The following RFX3 variants were observed in gnomAD, a reference collection of about 807,000 sequenced individuals.
RFX3 encodes transcription factor RFX3.
A neutral mutation model predicts 98.6 loss-of-function variants in RFX3; 14 were observed. That is an observed-to-expected ratio of 0.14 (90% confidence interval 0.09 to 0.22). The LOEUF is 0.22. Ranked by LOEUF, RFX3 falls within the 10% of genes least tolerant of loss-of-function variation. RFX3 has a pLI of 1.00. For synonymous variants in RFX3, 383 were observed against 328.4 expected (o/e 1.17, Z -1.80); for missense variants, 639 against 926.9 (o/e 0.69, Z 4.03).
chr9:3,259,724 T>G (rs1330861890), intron 13 of RFX3, among the ~76,000 whole-genome samples: 1 of 151,922 alleles, frequency 6.6e-6, no homozygotes, highest in Non-Finnish European at 1.5e-5. Context: ...AGGAAACCAG[T>G]TATACTGCAA....
intron 1 of RFX3, among the ~76,000 whole-genome samples, chr9:3,427,015 C>A (rs1844104587): frequency 6.6e-6 from 1 of 151,788 alleles, no homozygotes; most frequent in Admixed American, 6.6e-5. Flanking sequence ...GCCAAGATTT[C>A]TAACCCGTTT....
chr9:3,328,493 G>A (rs1202098516), intron 4 of RFX3, among the ~76,000 whole-genome samples: 1 of 152,026 alleles, frequency 6.6e-6, no homozygotes. Context: ...ATATACTGAT[G>A]TGACTAAAAG....
intron 1 of RFX3, among the ~76,000 whole-genome samples, chr9:3,501,490 A>T (rs1001192768): frequency 4.6e-5 from 7 of 152,058 alleles, no homozygotes; most frequent in African/African-American, 1.7e-4. Context: ...AATTATTTCA[A>T]CAATTTGTTT....
At chr9:3,412,193 TA>T (rs1413819888) in intron 1 of RFX3, among the ~76,000 whole-genome samples, 1 of 152,266 alleles carries the variant, frequency 6.6e-6, no homozygotes, top group East Asian at 1.9e-4. Context: ...ATAAGACCAC[TA>T]AAGGTCAACA....
At chr9:3,514,413 T>C (rs574498050) in intron 1 of RFX3, among the ~76,000 whole-genome samples, 3 of 152,182 alleles carry the variant, frequency 2.0e-5, no homozygotes, top group Non-Finnish European at 4.4e-5. Context: ...TACACTCTAA[T>C]TGAAAAGTAA....
intron 2 of RFX3, among the ~76,000 whole-genome samples, chr9:3,391,489 C>T (rs1043169251): frequency 2.6e-5 from 4 of 151,994 alleles, no homozygotes; most frequent in African/African-American, 7.3e-5. Flanking sequence ...CTTCTTTGCT[C>T]GGTGTAAAGG....
intron 1 of RFX3, among the ~76,000 whole-genome samples, chr9:3,491,292 A>G (rs949269005): frequency 1.3e-5 from 2 of 152,160 alleles, no homozygotes; most frequent in Non-Finnish European, 2.9e-5. Flanking sequence ...CAAACCAGAT[A>G]CATCAAAAAT....
At chr9:3,372,647 G>A (rs12005948) in intron 2 of RFX3, among the ~76,000 whole-genome samples, 4,524 of 150,556 alleles carry the variant, frequency 0.03, 250 homozygotes, top group African/African-American at 0.11. Flanking sequence ...CCCCAGGTTT[G>A]AGAGATTCTC....
chr9:3,525,942 G>C lies in RFX3; in HGVS notation c.-204C>G, dbSNP rs1269844228. On this transcript the variant is annotated 5_prime_UTR_variant, in exon 1 of 17. Transcript: ENST00000617270. ...AACTCACAAAAGAGAGAGAGAGAGGGAGAGAGAGAGAGAGCGAGAGGGAGA... is the reference window on the plus strand; with the variant it reads ...AACTCACAAAAGAGAGAGAGAGAGGCAGAGAGAGAGAGAGCGAGAGGGAGA... 14 of 761,326 alleles carry C rather than the reference G, an allele frequency of 1.8e-5. No homozygotes were observed. Among genetic ancestry groups the C allele is most frequent in the Non-Finnish European group, 2.2e-5 (14 of 634,604 alleles). The allele number at this position is 761,326 out of a possible 1,614,324, so 47.2% of individuals were successfully genotyped here.
intron 2 of RFX3, among the ~76,000 whole-genome samples, chr9:3,382,869 AT>A (rs1839335680): frequency 6.6e-6 from 1 of 152,062 alleles, no homozygotes. Context: ...TAAACTGGAT[AT>A]TTTTTTGAAG....
Position 3,428,049 on chromosome 9 carries a change from G to A in RFX3, c.-8-32453C>T, listed in dbSNP as rs138703570. 3.2e-4 allele frequency among the ~76,000 whole-genome samples: 49 copies of A among 152,188 alleles called. No homozygotes were observed. In the East Asian group the frequency reaches 8.1e-3, roughly 25 times the overall value. ...AGAGCAAATGTGGGGCTCTTTTTATGTATCTGCCTTCTCTCAATAATCACA... is the reference window on the plus strand; with the variant it reads ...AGAGCAAATGTGGGGCTCTTTTTATATATCTGCCTTCTCTCAATAATCACA... On this transcript the variant is annotated intron_variant, in intron 1 of 16. Transcript: ENST00000617270.
intron 2 of RFX3, among the ~76,000 whole-genome samples, chr9:3,368,459 G>A (rs970339755): frequency 3.9e-5 from 6 of 151,962 alleles, no homozygotes; most frequent in Non-Finnish European, 7.4e-5. Flanking sequence ...AATTTCAAGA[G>A]GACTGAGAAC....
intron 2 of RFX3, among the ~76,000 whole-genome samples, chr9:3,376,025 T>C: frequency 6.6e-6 from 1 of 151,872 alleles, no homozygotes; most frequent in Admixed American, 6.6e-5. Flanking sequence ...AAGGGAAGAA[T>C]AGTAAGCTCT....
At chr9:3,429,455 G>A (rs201098496) in intron 1 of RFX3, among the ~76,000 whole-genome samples, 2 of 150,970 alleles carry the variant, frequency 1.3e-5, no homozygotes, top group Non-Finnish European at 2.9e-5. Flanking sequence ...GTGTGTCTGT[G>A]GAGATAGACA....
chr9:3,300,934 T>C (rs1828577813), intron 5 of RFX3, among the ~76,000 whole-genome samples: 1 of 151,950 alleles, frequency 6.6e-6, no homozygotes, highest in South Asian at 2.1e-4. Flanking sequence ...CTTCAGGGCA[T>C]AGTAATGGTA....
At chr9:3,356,976 C>T (rs1199306404) in intron 2 of RFX3, among the ~76,000 whole-genome samples, 1 of 139,900 alleles carries the variant, frequency 7.1e-6, no homozygotes, top group Non-Finnish European at 1.5e-5. Flanking sequence ...CACACACGCA[C>T]ACACACACAC....
intron 6 of RFX3, among the ~76,000 whole-genome samples, chr9:3,290,074 A>C (rs1380155120): frequency 6.6e-6 from 1 of 152,026 alleles, no homozygotes; most frequent in Middle Eastern, 3.2e-3. Flanking sequence ...TACAATTGTC[A>C]GTTTTTTTAC....
chr9:3,330,539 G>A lies in RFX3; in HGVS notation c.216-22C>T, dbSNP rs745881006. On this transcript the variant is annotated intron_variant, in intron 3 of 16. Coordinates refer to ENST00000617270, the MANE Select transcript of RFX3 (RefSeq NM_001282116.2). The stretch of plus-strand genomic sequence containing the variant: ...TCGGCTTTAGAAGAAGAAGAAAAAA[G>A]AAATTTACTAGCTTATTTATGTCAT... 5 of 1,577,922 alleles carry A rather than the reference G, an allele frequency of 3.2e-6. No individual in the cohort carries two copies. The Admixed American group carries it at 9.0e-5, about 29-fold the overall frequency.
At chr9:3,369,852 C>T (rs1274564737) in intron 2 of RFX3, among the ~76,000 whole-genome samples, 2 of 152,026 alleles carry the variant, frequency 1.3e-5, no homozygotes, top group African/African-American at 4.8e-5. Context: ...TTGTTTGACA[C>T]GGAGTCTTGA....
Sources: allele counts gnomAD v4.1 joint callset (sites outside exome capture counted in the v4.1 genomes callset), GRCh38; gene constraint gnomAD v4.1.1; transcripts MANE v1.5; gene names NCBI Gene and HGNC (gene_info 2026-07-23, HGNC 2026-07-21).